Variants in UTP20 observed in about 807,000 individuals in gnomAD.
UTP20 encodes UTP20 small subunit processome component.
UTP20 carries 164 observed loss-of-function variants against 329.5 expected under a neutral mutation model. The observed-to-expected ratio is 0.50, with a 90% CI of 0.44 to 0.57. UTP20 has a LOEUF of 0.57. Among genes scored for constraint, UTP20 ranks in the 20% least tolerant of loss-of-function variants. The pLI, the probability that UTP20 is intolerant of heterozygous loss-of-function variation, is 0.00. For missense variants in UTP20, 3,055 were observed against 3,284.2 expected, an observed-to-expected ratio of 0.93 and a Z score of 1.71; for synonymous variants, 1,151 against 1,159.3, an observed-to-expected ratio of 0.99 and a Z score of 0.14.
At position 101,288,921 on chromosome 12, in the gene UTP20, T is replaced by C. The variant is rs369841812; in HGVS notation, c.516-39T>C. 90 of 1,536,040 alleles carry C rather than the reference T, an allele frequency of 5.9e-5. No homozygotes were observed. The African/African-American group carries it at 7.7e-4, about 13-fold the overall frequency. On this transcript the variant is annotated intron_variant, in intron 5 of 61. Coordinates refer to ENST00000261637, the MANE Select transcript of UTP20 (RefSeq NM_014503.3). ...ATGTAGTATGTATTTATTACAATTATATGATTAATGAAATGTATCTTATTT... is the reference window on the plus strand; with the variant it reads ...ATGTAGTATGTATTTATTACAATTACATGATTAATGAAATGTATCTTATTT...
Position 101,286,477 on chromosome 12 carries a change from A to T in UTP20, c.483A>T (p.Arg161Ser). Residue 161 changes from arginine (R) to serine (S), a missense_variant, in exon 5 of 62, where the codon AGA becomes AGT. Around this residue, in one of 3 missense-constraint regions of UTP20, gnomAD observed 2,445 missense variants for 2,575.5 expected, o/e 0.95. Transcript: ENST00000261637. The stretch of plus-strand genomic sequence containing the variant: ...CATATCTTTATAAGTACCTGTGGAG[A>T]CTGATGGTGAAGGACATGTCCAGTA... ...SLSYLYKYLW[R>S]LMVKDMSSIY... The T allele has an allele frequency of 6.2e-7, 1 of 1,612,438 alleles. No homozygotes were observed. The highest frequency in any genetic ancestry group is 8.5e-7 in the Non-Finnish European group (1 of 1,179,122).
chr12:101,367,980 A>G lies in UTP20; in HGVS notation c.6384+4A>G, dbSNP rs114338016. 0.012 allele frequency: 19,489 copies of G among 1,596,374 alleles called. 359 individuals carry two copies. Among genetic ancestry groups the G allele is most frequent in the South Asian group, 0.064 (5,832 of 90,734 alleles). Reference sequence around the variant, plus strand: ...CCTGGGCTCCATGGATGTGAAGGTAAGCATCGGTTTGCACTCTGCATTGGA... The same window carrying G: ...CCTGGGCTCCATGGATGTGAAGGTAGGCATCGGTTTGCACTCTGCATTGGA... On this transcript the variant is annotated splice_donor_region_variant and intron_variant, in intron 48 of 61. Coordinates refer to ENST00000261637, the MANE Select transcript of UTP20 (RefSeq NM_014503.3).
chr12:101,377,605 C>T (rs1038060229), intron 56 of UTP20, among the ~76,000 whole-genome samples: 2 of 152,178 alleles, frequency 1.3e-5, no homozygotes, highest in Non-Finnish European at 2.9e-5. Flanking sequence ...GCTGGGATTA[C>T]AGGCATGAGG....
Position 101,346,024 on chromosome 12 carries a change from A to G in UTP20, c.4746+330A>G, listed in dbSNP as rs115971737. On this transcript the variant is annotated intron_variant, in intron 37 of 61. Coordinates refer to ENST00000261637, the MANE Select transcript of UTP20 (RefSeq NM_014503.3). The stretch of plus-strand genomic sequence containing the variant: ...AGGCACAGGTGTTTGCTCTTGTAAC[A>G]CATGGACTGTGTTTCACTTCCTTAA... 8.4e-3 allele frequency among the ~76,000 whole-genome samples: 1,273 copies of G among 152,080 alleles called. 18 individuals are homozygous for G. The highest frequency in any genetic ancestry group is 0.029 in the African/African-American group (1,197 of 41,474).
chr12:101,300,171 C>G, intron 14 of UTP20, 110 bp downstream of exon 14: 5 of 1,053,076 alleles, frequency 4.7e-6, no homozygotes, highest in Non-Finnish European at 7.2e-6. Context: ...TCTGGCATAA[C>G]CCCCTGGATG....
chr12:101,293,913 A>T (rs1050711650), intron 11 of UTP20, among the ~76,000 whole-genome samples: 29 of 152,028 alleles, frequency 1.9e-4, no homozygotes, highest in African/African-American at 6.5e-4. Context: ...TTTTTATCCA[A>T]ATACTGCTTA....
At position 101,308,424 on chromosome 12, in the gene UTP20, A is replaced by AAATAAT. The variant is rs199761274; in HGVS notation, c.2154+103_2154+108dup. 1.0e-3 allele frequency: 692 copies of AAATAAT among 659,490 alleles called. 5 individuals are homozygous for AAATAAT. The highest frequency in any genetic ancestry group is 0.01 in the African/African-American group (501 of 47,958). 40.9% of individuals were successfully genotyped at this position (659,490 alleles called of 1,614,324 possible). A position where few individuals can be genotyped will look rare whatever the true frequency, so the allele number is the denominator to read the frequency against. On this transcript the variant is annotated intron_variant, in intron 18 of 61. Coordinates refer to ENST00000261637, the MANE Select transcript of UTP20 (RefSeq NM_014503.3). Reference sequence around the variant, plus strand: ...GGGGAAGCACATCAAGTAGTCACCAAAATAATAATAATAATAATAATAATA... The same window carrying AAATAAT: ...GGGGAAGCACATCAAGTAGTCACCAAAATAATAATAATAATAATAATAATAATAATA...
intron 18 of UTP20, among the ~76,000 whole-genome samples, chr12:101,308,939 T>A (rs1872709459): frequency 1.3e-5 from 2 of 152,114 alleles, no homozygotes; most frequent in Non-Finnish European, 2.9e-5. Context: ...TTCACCGTGT[T>A]AGCCAGGATG....
chr12:101,337,011 A>G (rs529051382), intron 29 of UTP20, among the ~76,000 whole-genome samples: 4 of 152,256 alleles, frequency 2.6e-5, no homozygotes, highest in Non-Finnish European at 5.9e-5. Context: ...ACAAAACAAC[A>G]TAGTGGTTAA....
In UTP20 at chr12:101,344,627, C is replaced by A; in HGVS notation, c.4482C>A (p.Ser1494Arg). The A allele has an allele frequency of 8.6e-7, 1 of 1,166,556 alleles. No individual in the cohort carries two copies. Among genetic ancestry groups the A allele is most frequent in the Non-Finnish European group, 1.3e-6 (1 of 770,770 alleles). 72.3% of individuals were successfully genotyped at this position (1,166,556 alleles called of 1,614,324 possible). A position where few individuals can be genotyped will look rare whatever the true frequency, so the allele number is the denominator to read the frequency against. ...LGDMSLSDNA[S>R]MCLMSIIKKL... ...ATATGAGTTTAAGTGATAATGCCAG[C>A]ATGTGCCTGATGAGTATCATCAAAA... is the stretch of plus-strand genomic sequence containing the variant. The change falls in exon 36 of 62, where the codon AGC (serine) becomes AGA (arginine). Residue 1494 changes from serine to arginine, a missense_variant. Coordinates refer to ENST00000261637, the MANE Select transcript of UTP20 (RefSeq NM_014503.3).
intron 22 of UTP20, among the ~76,000 whole-genome samples, chr12:101,318,499 T>C (rs548553977): frequency 3.9e-5 from 6 of 152,224 alleles, no homozygotes; most frequent in African/African-American, 9.6e-5. Flanking sequence ...GGGTGAAATA[T>C]TTTTATAGGA....
chr12:101,338,387 G>C, intron 30 of UTP20, 110 bp downstream of exon 30: 1 of 1,094,620 alleles, frequency 9.1e-7, no homozygotes, highest in Non-Finnish European at 1.3e-6. Context: ...CATATGCTCA[G>C]AAGTTTCTTT....
chr12:101,344,787 G>A, intron 36 of UTP20, 37 bp downstream of exon 36: 1 of 1,590,660 alleles, frequency 6.3e-7, no homozygotes, highest in Non-Finnish European at 8.6e-7. Flanking sequence ...ACTGTCTGAG[G>A]CTGTGTTTTG....
chr12:101,346,407 G>A (rs759476270), intron 37 of UTP20, 44 bp from the exon 38 acceptor site: 1 of 1,544,708 alleles, frequency 6.5e-7, no homozygotes, highest in East Asian at 2.3e-5. Context: ...CTGGTTGTAG[G>A]TGAGATTATT....
chr12:101,382,961 T>C, intron 58 of UTP20, 80 bp from the exon 59 acceptor site: 1 of 1,497,652 alleles, frequency 6.7e-7, no homozygotes. Context: ...AGAATACCTA[T>C]TTTAGCTTAT....
At chr12:101,382,420 C>T (rs942683734) in intron 58 of UTP20, among the ~76,000 whole-genome samples, 1 of 151,662 alleles carries the variant, frequency 6.6e-6, no homozygotes, top group Non-Finnish European at 1.5e-5. Flanking sequence ...AAAAACAAAA[C>T]AAAACAAAAC....
chr12:101,289,245 C>T (rs1360376554), intron 6 of UTP20, among the ~76,000 whole-genome samples: 2 of 151,948 alleles, frequency 1.3e-5, no homozygotes, highest in Non-Finnish European at 2.9e-5. Flanking sequence ...GGCGTGGTGG[C>T]GCGCACCTGT....
At chr12:101,322,616 G>A (rs1868401452) in intron 25 of UTP20, among the ~76,000 whole-genome samples, 1 of 152,282 alleles carries the variant, frequency 6.6e-6, no homozygotes, top group East Asian at 1.9e-4. Context: ...GCCCCCTACT[G>A]TGTAGTTCTA....
intron 43 of UTP20, among the ~76,000 whole-genome samples, chr12:101,360,344 C>T (rs1053537466): frequency 2.0e-4 from 31 of 152,110 alleles, no homozygotes; most frequent in Non-Finnish European, 3.5e-4. Flanking sequence ...TGTTCAAAAC[C>T]AGCATGATAA....
Sources: gnomAD v4.1 joint callset for allele counts (sites outside exome capture counted in the v4.1 genomes callset) on GRCh38, gnomAD v4.1.1 for gene constraint, gnomAD v4.1.1 regional missense constraint, MANE v1.5 for transcripts, NCBI Gene and HGNC (gene_info 2026-07-23, HGNC 2026-07-21) for gene names.